ATR: variants seen among roughly 807,000 people sequenced by gnomAD.
The protein encoded by ATR is ATR checkpoint kinase, also known as serine/threonine-protein kinase ATR.
In ATR, 142 loss-of-function variants were observed where a neutral mutation model predicts 305.3. The ratio of observed to expected loss-of-function variants is 0.47; its 90% confidence interval spans 0.41 to 0.53. The LOEUF (loss-of-function observed/expected upper bound fraction) is 0.53. Among genes scored for constraint, ATR ranks in the 20% least tolerant of loss-of-function variants. ATR has a pLI of 0.00. For missense variants in ATR, 2,135 were observed against 3,133.1 expected (o/e 0.68, Z 7.60); for synonymous variants, 1,050 against 1,068.1 (o/e 0.98, Z 0.33).
intron 45 of ATR, among the ~76,000 whole-genome samples, chr3:142,455,841 GA>G (rs2108254629): frequency 6.6e-6 from 1 of 152,226 alleles, no homozygotes; most frequent in East Asian, 1.9e-4. Flanking sequence ...TAGTTTCTTA[GA>G]TATGACAACA....
intron 41 of ATR, among the ~76,000 whole-genome samples, chr3:142,464,168 T>G (rs58376712): frequency 0.032 from 4,802 of 152,222 alleles, 242 homozygotes; most frequent in African/African-American, 0.11. Context: ...CTCTGTCATC[T>G]GGGCTAGAGT....
At chr3:142,567,497 T>C (rs1216485607) in intron 2 of ATR, among the ~76,000 whole-genome samples, 1 of 152,246 alleles carries the variant, frequency 6.6e-6, no homozygotes, top group African/African-American at 2.4e-5. Flanking sequence ...ATCCAAATTA[T>C]AAACCCTGAG....
chr3:142,498,886 T>C, intron 31 of ATR, 112 bp from the exon 32 acceptor site: 2 of 271,906 alleles, frequency 7.4e-6, no homozygotes, highest in Non-Finnish European at 6.2e-6. Flanking sequence ...GCTTCATTCC[T>C]TTTTTTTTTT....
At chr3:142,490,668 G>A (rs1409578840) in intron 35 of ATR, among the ~76,000 whole-genome samples, 1 of 151,750 alleles carries the variant, frequency 6.6e-6, no homozygotes, top group Non-Finnish European at 1.5e-5. Context: ...CTACTTTTTT[G>A]AAGCAATTTT....
rs1312070564 is a variant in ATR, at chr3:142,560,354, T to G, written c.1450A>C (p.Asn484His). 6.2e-7 allele frequency: 1 copy of G among 1,613,764 alleles called. No individual in the cohort carries two copies. The stretch of plus-strand genomic sequence containing the variant: ...CCTTCTAACATCTCAATAACAGGAT[T>G]CTTTAGGCCACTGTATTCAAGGGAA... ...QISLEYSGLK[N>H]PVIEMLEGIA... Residue 484 changes from asparagine (N) to histidine (H), a missense_variant, in exon 6 of 47, where the codon AAT becomes CAT. Asn to His is a moderately conservative substitution (Grantham distance 68, BLOSUM62 1). This residue lies in a region of ATR where 744 missense variants were observed against 873.2 expected (regional missense o/e 0.85). Transcript: ENST00000350721.
rs369748890 is a variant in ATR, at chr3:142,458,917, G to T, written c.7503+41C>A. ...ATACAGTTGTTGAGAAAAGGAAATT[G>T]AGAGAAAACACAATTAGTAAGAGTA... On this transcript the variant is annotated intron_variant, in intron 44 of 46. Transcript: ENST00000350721. The T allele has an allele frequency of 7.2e-5, 115 of 1,600,658 alleles. 1 individual carries two copies. The highest frequency in any genetic ancestry group is 4.2e-4 in the Admixed American group (25 of 59,800).
rs139727788 is a variant in ATR at position 142,520,149 on chromosome 3, G to A, written c.4267-365C>T. Reference sequence around the variant, plus strand: ...TGATGTTACTGTTGTAATTGCTTTGGGGCTCCACAAACTGTGCCCATATAA... The same window carrying A: ...TGATGTTACTGTTGTAATTGCTTTGAGGCTCCACAAACTGTGCCCATATAA... On this transcript the variant is annotated intron_variant, in intron 23 of 46. Transcript: ENST00000350721. 8.1e-3 allele frequency among the ~76,000 whole-genome samples: 1,226 copies of A among 152,048 alleles called. 10 individuals are homozygous for A. Among genetic ancestry groups the A allele is most frequent in the Non-Finnish European group, 0.012 (846 of 67,990 alleles).
chr3:142,488,995 C>A (rs143689076), intron 35 of ATR, among the ~76,000 whole-genome samples: 75 of 151,984 alleles, frequency 4.9e-4, no homozygotes, highest in African/African-American at 1.8e-3. Context: ...GCAATTTAAT[C>A]CTAGGCATTT....
At position 142,553,329 on chromosome 3, in the gene ATR, T is replaced by C. The variant is rs201052932; in HGVS notation, c.2703A>G (p.Ala901=). 3.1e-6 allele frequency: 5 copies of C among 1,613,914 alleles called. No individual in the cohort carries two copies. Among genetic ancestry groups the C allele is most frequent in the African/African-American group, 1.3e-5 (1 of 74,896 alleles). Residue 901 remains alanine, a synonymous_variant, in exon 13 of 47, where the codon GCA becomes GCG. Coordinates refer to ENST00000350721, the MANE Select transcript of ATR (RefSeq NM_001184.4). Reference sequence around the variant, plus strand: ...CTGTGTATGCTGCTCCAGAGACAGATGCTGACTTGGATAACAAACAATGCA... The same window carrying C: ...CTGTGTATGCTGCTCCAGAGACAGACGCTGACTTGGATAACAAACAATGCA... ...HLLHCLLSKS[A]SVSGAAYTEI...
chr3:142,452,195 A>AT (rs1292383486), intron 46 of ATR: 1 of 999,892 alleles, frequency 1.0e-6, no homozygotes, highest in African/African-American at 1.7e-5. Flanking sequence ...TCCTCGAGCT[A>AT]TATCAGTAGG....
intron 46 of ATR, chr3:142,450,773 A>G (rs2070769746): frequency 5.4e-6 from 8 of 1,475,832 alleles, no homozygotes; most frequent in Middle Eastern, 1.8e-4. Flanking sequence ...ATCATTCGTT[A>G]TCACACTGCG....
intron 21 of ATR, among the ~76,000 whole-genome samples, chr3:142,531,924 C>T (rs1234111052): frequency 2.0e-5 from 3 of 152,214 alleles, no homozygotes; most frequent in African/African-American, 7.2e-5. Context: ...CCTGTTGTTT[C>T]CTGACTTTTT....
chr3:142,515,540 T>TA, intron 24 of ATR, 25 bp from the exon 25 acceptor site: 1 of 1,587,640 alleles, frequency 6.3e-7, no homozygotes, highest in Non-Finnish European at 8.6e-7. Context: ...ATTTGTTTAT[T>TA]AAAAAGATAA....
At chr3:142,498,810 T>A (rs2108342176) in intron 31 of ATR, 36 bp from the exon 32 acceptor site, 1 of 1,602,482 alleles carries the variant, frequency 6.2e-7, no homozygotes, top group Non-Finnish European at 8.5e-7. Flanking sequence ...AATGTCACGG[T>A]AGCTGGGTCC....
intron 36 of ATR, among the ~76,000 whole-genome samples, chr3:142,483,648 C>T (rs1468511272): frequency 6.6e-6 from 1 of 151,956 alleles, no homozygotes; most frequent in African/African-American, 2.4e-5. Flanking sequence ...ACCAGCCTGA[C>T]CAACATGGTG....
chr3:142,569,419 C>T (rs1451415799), intron 1 of ATR, among the ~76,000 whole-genome samples: 1 of 152,160 alleles, frequency 6.6e-6, no homozygotes, highest in African/African-American at 2.4e-5. Flanking sequence ...CTCCCAGCCT[C>T]AGGAGATCCT....
chr3:142,488,943 A>C (rs2031118137), intron 35 of ATR, among the ~76,000 whole-genome samples: 1 of 152,158 alleles, frequency 6.6e-6, no homozygotes, highest in African/African-American at 2.4e-5. Flanking sequence ...ACTTCACTCA[A>C]TTTTAATGTT....
chr3:142,557,932 C>T (rs1428906209), intron 8 of ATR, among the ~76,000 whole-genome samples: 3 of 152,052 alleles, frequency 2.0e-5, no homozygotes, highest in Admixed American at 1.3e-4. Context: ...CGTGCCTGGC[C>T]TAATGTTTCT....
chr3:142,490,268 C>G (rs113541393), intron 35 of ATR, among the ~76,000 whole-genome samples: 2,707 of 152,238 alleles, frequency 0.018, 29 homozygotes, highest in South Asian at 0.041. Context: ...ATTGCCCAGG[C>G]TGGTTTTGAA....
Sources: allele counts gnomAD v4.1 joint callset (sites outside exome capture counted in the v4.1 genomes callset), GRCh38; gene constraint gnomAD v4.1.1; regional missense constraint gnomAD v4.1.1; transcripts MANE v1.5; gene names NCBI Gene and HGNC (gene_info 2026-07-23, HGNC 2026-07-21).